Variants in NREP observed in about 807,000 individuals in gnomAD.
The protein encoded by NREP is neuronal regeneration related protein, also known as neuronal regeneration-related protein.
Under a neutral mutation model 8.6 loss-of-function variants are expected in NREP, and 5 were observed. The observed-to-expected ratio is 0.58, with a 90% CI of 0.30 to 1.22. The LOEUF is 1.22. Ranked by LOEUF, NREP falls within the 50% of genes most tolerant of loss-of-function variation. The pLI is 0.07. For missense variants in NREP, 86 were observed against 82.5 expected (o/e 1.04, Z -0.17); for synonymous variants, 27 against 28.0 (o/e 0.96, Z 0.11).
chr5:111,877,392 A>G (rs548514504), intron 2 of NREP, among the ~76,000 whole-genome samples: 58 of 152,122 alleles, frequency 3.8e-4, no homozygotes, highest in Non-Finnish European at 7.5e-4. Context: ...CACCCTCTAT[A>G]CCTGTGATTC....
intron 2 of NREP, among the ~76,000 whole-genome samples, chr5:111,910,808 T>A (rs1191536979): frequency 6.6e-6 from 1 of 152,036 alleles, no homozygotes; most frequent in Admixed American, 6.6e-5. Context: ...AAGCGAGAGT[T>A]TGCTCAGCTT....
At chr5:111,952,863 T>C (rs1297437934) in intron 2 of NREP, among the ~76,000 whole-genome samples, 1 of 152,086 alleles carries the variant, frequency 6.6e-6, no homozygotes, top group African/African-American at 2.4e-5. Context: ...AAAACAGATA[T>C]ATAAAAAATT....
chr5:111,757,163 C>G lies in NREP; in HGVS notation c.-86G>C, dbSNP rs372488581. The G allele has an allele frequency of 1.2e-5, 12 of 981,568 alleles. No individual in the cohort carries two copies. Among genetic ancestry groups the G allele is most frequent in the African/African-American group, 1.8e-5 (1 of 56,454 alleles). The allele number at this position is 981,568 out of a possible 1,614,324, so 60.8% of individuals were successfully genotyped here. On this transcript the variant is annotated 5_prime_UTR_variant, in exon 1 of 4. Coordinates refer to ENST00000257435, the MANE Select transcript of NREP (RefSeq NM_004772.4). ...ACAAAAGCCCCGCTCCCTGTTCACT[C>G]TCTCTCCTCTCTACACCTGAAACAC...
chr5:111,732,553 C>T (rs1407585797), intron 3 of NREP: 2 of 151,510 alleles, frequency 1.3e-5, no homozygotes, highest in Non-Finnish European at 2.9e-5. Context: ...ACCACTCACA[C>T]ACCCTTAAGG....
rs546404373 is a variant in NREP, at chr5:111,971,779, A to G, written c.135+3495T>C. ...TAAAACTGTAAAACTACTGGAAGAA[A>G]ATGATGCGAAAAGCACACTAAGAAA... On this transcript the variant is annotated intron_variant, in intron 2 of 3. Transcript: ENST00000395634. Among the ~76,000 whole-genome samples, 3 of 152,326 alleles carry G rather than the reference A, an allele frequency of 2.0e-5. No homozygotes were observed. The East Asian group carries it at 5.8e-4, about 29-fold the overall frequency.
intron 2 of NREP, among the ~76,000 whole-genome samples, chr5:111,884,794 T>C (rs974555870): frequency 6.6e-6 from 1 of 152,174 alleles, no homozygotes; most frequent in Non-Finnish European, 1.5e-5. Context: ...CTAAAAACTC[T>C]CAATAAATTA....
intron 2 of NREP, among the ~76,000 whole-genome samples, chr5:111,861,952 T>C (rs1293527675): frequency 6.6e-6 from 1 of 152,170 alleles, no homozygotes; most frequent in Non-Finnish European, 1.5e-5. Context: ...CTACATATGA[T>C]TTTCTTATTT....
intron 2 of NREP, among the ~76,000 whole-genome samples, chr5:111,771,464 C>CAT (rs1162028472): frequency 6.8e-6 from 1 of 147,270 alleles, no homozygotes; most frequent in East Asian, 2.1e-4. Context: ...CACACACACA[C>CAT]ATATGCACAC....
intron 2 of NREP, among the ~76,000 whole-genome samples, chr5:111,953,792 G>C (rs147644932): frequency 5.3e-5 from 8 of 152,176 alleles, no homozygotes; most frequent in South Asian, 2.1e-4. Flanking sequence ...AGTGAAAGGG[G>C]AGAAGAATCA....
intron 2 of NREP, chr5:111,975,206 A>T (rs1756927449): frequency 6.6e-6 from 7 of 1,057,596 alleles, no homozygotes; most frequent in Non-Finnish European, 1.0e-5. Context: ...ACTTGGTTGC[A>T]TGTGATGGAA....
intron 2 of NREP, among the ~76,000 whole-genome samples, chr5:111,920,637 T>C (rs61335870): frequency 0.014 from 2,156 of 152,286 alleles, 25 homozygotes; most frequent in South Asian, 0.038. Context: ...AGGGTTTTTA[T>C]AGACAAGCTG....
chr5:111,969,117 T>C (rs1055454986), intron 2 of NREP, among the ~76,000 whole-genome samples: 1 of 152,192 alleles, frequency 6.6e-6, no homozygotes, highest in African/African-American at 2.4e-5. Context: ...GATGATCAAA[T>C]ACTGATTAAT....
intron 2 of NREP, among the ~76,000 whole-genome samples, chr5:111,808,046 A>G (rs1446570685): frequency 6.6e-6 from 1 of 152,202 alleles, no homozygotes; most frequent in Non-Finnish European, 1.5e-5. Context: ...CAATCTCTCA[A>G]TAGTTCTGTA....
chr5:111,892,604 T>A (rs1754420623), intron 2 of NREP, among the ~76,000 whole-genome samples: 1 of 151,114 alleles, frequency 6.6e-6, no homozygotes, highest in Non-Finnish European at 1.5e-5. Flanking sequence ...ACTTGTTCTA[T>A]ATTTTTGGAA....
At chr5:111,773,833 T>C (rs1287855797) in intron 2 of NREP, among the ~76,000 whole-genome samples, 1 of 152,164 alleles carries the variant, frequency 6.6e-6, no homozygotes, top group Non-Finnish European at 1.5e-5. Flanking sequence ...CAGAGTTTTA[T>C]GTGTTCTCTC....
intron 2 of NREP, among the ~76,000 whole-genome samples, chr5:111,961,175 G>T (rs1292118050): frequency 6.6e-6 from 1 of 152,164 alleles, no homozygotes; most frequent in African/African-American, 2.4e-5. Flanking sequence ...CAGAACGAAG[G>T]TTCCCTGGCT....
chr5:111,772,895 T>C (rs919385540), intron 2 of NREP, among the ~76,000 whole-genome samples: 1 of 152,212 alleles, frequency 6.6e-6, no homozygotes, highest in Non-Finnish European at 1.5e-5. Flanking sequence ...TGTTATCTTG[T>C]TACTAATGGT....
chr5:111,821,993 T>C (rs1752524160), intron 2 of NREP, among the ~76,000 whole-genome samples: 1 of 152,192 alleles, frequency 6.6e-6, no homozygotes, highest in Non-Finnish European at 1.5e-5. Flanking sequence ...ATATTTTCTG[T>C]ATATATATTT....
chr5:111,949,431 A>G (rs1255558874), intron 2 of NREP, among the ~76,000 whole-genome samples: 1 of 152,070 alleles, frequency 6.6e-6, no homozygotes, highest in African/African-American at 2.4e-5. Flanking sequence ...ATGAAATCCC[A>G]TCAAATGATT....
Sources: gnomAD v4.1 joint callset for allele counts (sites outside exome capture counted in the v4.1 genomes callset) on GRCh38, gnomAD v4.1.1 for gene constraint, MANE v1.5 for transcripts, NCBI Gene and HGNC (gene_info 2026-07-23, HGNC 2026-07-21) for gene names.